Variants in RGS17 observed in about 807,000 individuals in gnomAD.
The protein encoded by RGS17 is regulator of G protein signaling 17, also known as regulator of G-protein signaling 17.
A neutral mutation model predicts 25.5 loss-of-function variants in RGS17; 12 were observed. The observed-to-expected ratio is 0.47, with a 90% CI of 0.30 to 0.76. RGS17 has a LOEUF of 0.76. Ranked by LOEUF, RGS17 falls within the 30% of genes least tolerant of loss-of-function variation. The pLI, the probability that RGS17 is intolerant of heterozygous loss-of-function variation, is 0.07. For synonymous variants in RGS17, 71 were observed against 76.9 expected (o/e 0.92, Z 0.40); for missense variants, 196 against 242.2 (o/e 0.81, Z 1.27).
At chr6:153,042,090 T>C (rs1309127004) in intron 2 of RGS17, among the ~76,000 whole-genome samples, 2 of 152,218 alleles carry the variant, frequency 1.3e-5, no homozygotes, top group Non-Finnish European at 2.9e-5. Context: ...AGAACCACTA[T>C]AGTAAGTCAT....
At chr6:153,052,989 C>T (rs1373841532) in intron 1 of RGS17, among the ~76,000 whole-genome samples, 4 of 151,862 alleles carry the variant, frequency 2.6e-5, no homozygotes, top group Non-Finnish European at 5.9e-5. Context: ...TAAAAGAGGG[C>T]CCTCACCAGA....
At chr6:153,095,144 T>C (rs2129122303) in intron 1 of RGS17, among the ~76,000 whole-genome samples, 1 of 152,248 alleles carries the variant, frequency 6.6e-6, no homozygotes, top group Non-Finnish European at 1.5e-5. Context: ...AAGTGGCTCA[T>C]TTTTTGTGGT....
intron 2 of RGS17, among the ~76,000 whole-genome samples, chr6:153,037,197 C>G (rs868256808): frequency 0.1 from 14,190 of 136,332 alleles, 807 homozygotes; most frequent in Admixed American, 0.21. Context: ...CACACACACA[C>G]ACAGACACAC....
intron 1 of RGS17, among the ~76,000 whole-genome samples, chr6:153,074,293 C>T (rs978371829): frequency 1.1e-5 from 1 of 92,994 alleles, no homozygotes; most frequent in African/African-American, 4.7e-5. Context: ...CATTTATACA[C>T]AATCAGCACA....
chr6:153,045,088 T>C (rs951904983), intron 1 of RGS17, among the ~76,000 whole-genome samples: 1 of 152,240 alleles, frequency 6.6e-6, no homozygotes, highest in Non-Finnish European at 1.5e-5. Flanking sequence ...TTTAAAATGA[T>C]ATTTTCAGTT....
chr6:153,126,523 C>T (rs1232863919), intron 1 of RGS17, among the ~76,000 whole-genome samples: 1 of 152,024 alleles, frequency 6.6e-6, no homozygotes. Flanking sequence ...AGCACTCAAA[C>T]AAATAAGAAA....
intron 1 of RGS17, among the ~76,000 whole-genome samples, chr6:153,045,155 A>AT (rs1457764020): frequency 6.6e-6 from 1 of 152,192 alleles, no homozygotes; most frequent in Non-Finnish European, 1.5e-5. Flanking sequence ...CCAGATAAAC[A>AT]TATTTTTCGA....
intron 1 of RGS17, among the ~76,000 whole-genome samples, chr6:153,084,940 T>C (rs1777032785): frequency 6.6e-6 from 1 of 152,232 alleles, no homozygotes; most frequent in African/African-American, 2.4e-5. Context: ...TACGTTTGTA[T>C]GCTATGTATT....
chr6:153,033,884 T>C (rs1225759972), intron 2 of RGS17, among the ~76,000 whole-genome samples: 1 of 152,170 alleles, frequency 6.6e-6, no homozygotes, highest in Non-Finnish European at 1.5e-5. Flanking sequence ...AATGCCTTAA[T>C]GGGAAAGCAA....
intron 1 of RGS17, among the ~76,000 whole-genome samples, chr6:153,100,871 C>T (rs1430754651): frequency 6.6e-6 from 1 of 152,134 alleles, no homozygotes; most frequent in Non-Finnish European, 1.5e-5. Context: ...AAAACACGTT[C>T]AAAAAAGGCA....
chr6:153,112,713 A>G (rs1201000810), intron 1 of RGS17, among the ~76,000 whole-genome samples: 2 of 152,370 alleles, frequency 1.3e-5, no homozygotes, highest in South Asian at 2.1e-4. Context: ...CATCAGACTA[A>G]TAGCAGATGT....
intron 1 of RGS17, among the ~76,000 whole-genome samples, chr6:153,067,918 C>T (rs1484639829): frequency 3.3e-5 from 5 of 152,146 alleles, no homozygotes; most frequent in Non-Finnish European, 7.3e-5. Context: ...TTCTACAGAG[C>T]TATAGTAACC....
chr6:153,110,421 A>AACACACACAC (rs1461888935), intron 1 of RGS17, among the ~76,000 whole-genome samples: 1 of 68,776 alleles, frequency 1.5e-5, no homozygotes, highest in Non-Finnish European at 2.9e-5. Flanking sequence ...CTTTACTGCC[A>AACACACACAC]ACATACACAC....
intron 2 of RGS17, among the ~76,000 whole-genome samples, chr6:153,033,311 C>T (rs1181745934): frequency 3.3e-5 from 5 of 152,148 alleles, no homozygotes; most frequent in South Asian, 4.1e-4. Flanking sequence ...GAAATCTACA[C>T]GGTACGTTTA....
At chr6:153,050,074 G>T (rs1412290615) in intron 1 of RGS17, among the ~76,000 whole-genome samples, 1 of 152,240 alleles carries the variant, frequency 6.6e-6, no homozygotes, top group Middle Eastern at 3.4e-3. Flanking sequence ...CAAAAATGGT[G>T]TTGAGATATT....
rs1779114056 is a variant in RGS17, at chr6:153,009,982, A to AG, written c.*1591dup. 6.6e-6 allele frequency: 1 copy of AG among 151,970 alleles called. No individual in the cohort carries two copies. The highest frequency in any genetic ancestry group is 2.4e-5 in the African/African-American group (1 of 41,448). The allele number at this position is 151,970 out of a possible 1,614,324, so 9.4% of individuals were successfully genotyped here. A position where few individuals can be genotyped will look rare whatever the true frequency, so the allele number is the denominator to read the frequency against. ...CCTTTCAAGTAAAATAAATTTAAAA[A>AG]GAAACCCCCAAACTTGTTTTTTTAA... On this transcript the variant is annotated 3_prime_UTR_variant, in exon 5 of 5. Transcript: ENST00000206262.
intron 1 of RGS17, among the ~76,000 whole-genome samples, chr6:153,087,531 A>G (rs943242059): frequency 1.3e-5 from 2 of 152,236 alleles, no homozygotes. Flanking sequence ...GCCATGGAAA[A>G]TCATTTCTAG....
intron 1 of RGS17, among the ~76,000 whole-genome samples, chr6:153,111,905 C>T (rs1002703341): frequency 2.6e-5 from 4 of 152,154 alleles, no homozygotes; most frequent in Admixed American, 2.0e-4. Context: ...ACAAAAAGGA[C>T]GTCCACACAA....
intron 1 of RGS17, among the ~76,000 whole-genome samples, chr6:153,110,454 A>T (rs1198611907): frequency 6.6e-6 from 1 of 151,778 alleles, no homozygotes; most frequent in Non-Finnish European, 1.5e-5. Flanking sequence ...ACACACACAC[A>T]CACTTCAATA....
Sources: allele counts gnomAD v4.1 joint callset (sites outside exome capture counted in the v4.1 genomes callset), GRCh38; gene constraint gnomAD v4.1.1; transcripts MANE v1.5; gene names NCBI Gene and HGNC (gene_info 2026-07-23, HGNC 2026-07-21).